The following COL23A1 variants were observed in gnomAD, a reference collection of about 807,000 sequenced individuals.
COL23A1 encodes the protein collagen type XXIII alpha 1 chain.
In COL23A1, 97 loss-of-function variants were observed where a neutral mutation model predicts 99.3. The ratio of observed to expected loss-of-function variants is 0.98; its 90% CI spans 0.83 to 1.16. COL23A1 has a LOEUF of 1.16. COL23A1 is among the 50% of genes most tolerant of loss of function. COL23A1 has a pLI of 0.00. For synonymous variants in COL23A1, 320 were observed against 308.2 expected, an observed-to-expected ratio of 1.04 and a Z score of -0.40; for missense variants, 762 against 757.4, an observed-to-expected ratio of 1.01 and a Z score of -0.07.
intron 2 of COL23A1, among the ~76,000 whole-genome samples, chr5:178,462,063 T>C (rs1299801255): frequency 6.6e-6 from 1 of 152,266 alleles, no homozygotes; most frequent in African/African-American, 2.4e-5. Flanking sequence ...GCACAGCTGC[T>C]GGCTCATAGT....
intron 28 of COL23A1, among the ~76,000 whole-genome samples, 178 bp downstream of exon 28, chr5:178,238,963 G>A (rs1274310767): frequency 1.3e-5 from 2 of 152,320 alleles, no homozygotes; most frequent in East Asian, 3.9e-4. Flanking sequence ...CGCCTCACAT[G>A]CAAGATGGGA....
rs375055716 is a variant in COL23A1 at position 178,245,966 on chromosome 5, G to C, written c.1416C>G (p.Gly472=). ...IGLPGTKGEK[G]RPGEPGLDGF... Reference sequence around the variant, plus strand: ...CATCTAGTCCTGGCTCCCCGGGTCTGCCCTGAGGAGAGACACAGAGTGGGT... The same window carrying C: ...CATCTAGTCCTGGCTCCCCGGGTCTCCCCTGAGGAGAGACACAGAGTGGGT... Residue 472 remains glycine, a splice_region_variant and synonymous_variant, in exon 25 of 29, where the codon GGC becomes GGG. Coordinates refer to ENST00000390654, the MANE Select transcript of COL23A1 (RefSeq NM_173465.4). 1.8e-5 allele frequency: 29 copies of C among 1,614,098 alleles called. No homozygotes were observed. The highest frequency in any genetic ancestry group is 2.4e-5 in the Non-Finnish European group (28 of 1,180,004).
intron 2 of COL23A1, among the ~76,000 whole-genome samples, chr5:178,334,072 C>T (rs139420749): frequency 6.6e-6 from 1 of 152,318 alleles, no homozygotes; most frequent in East Asian, 1.9e-4. Context: ...CCACCCCATG[C>T]CCTGGGGATG....
intron 2 of COL23A1, among the ~76,000 whole-genome samples, chr5:178,429,010 T>C (rs1363753880): frequency 6.6e-6 from 1 of 152,032 alleles, no homozygotes; most frequent in African/African-American, 2.4e-5. Flanking sequence ...GGTGCGGGTG[T>C]ACCTTCTTTT....
rs1002474878 is a variant in COL23A1, at chr5:178,415,273, G to A, written c.362-108354C>T. 6.6e-6 allele frequency among the ~76,000 whole-genome samples: 1 copy of A among 152,180 alleles called. No homozygotes were observed. Among genetic ancestry groups the A allele is most frequent in the Non-Finnish European group, 1.5e-5 (1 of 68,038 alleles). On this transcript the variant is annotated intron_variant, in intron 2 of 28. Coordinates refer to ENST00000390654, the MANE Select transcript of COL23A1 (RefSeq NM_173465.4). The surrounding 1 kb of genome is among the most constrained non-coding windows in gnomAD (Gnocchi z 4.6). ...GCCAGTTACAGTGCTCAGTGGGGAC[G>A]AGCCCGCCTTGCTGGGTGAGTGACG... is the stretch of plus-strand genomic sequence containing the variant.
chr5:178,281,477 C>T lies in COL23A1; in HGVS notation c.441+6847G>A, dbSNP rs889504448. ...CTGTCGCTGCTCCCAGGACTGAGGC[C>T]GGAGATGAAGTGCAGTCACCGCTCC... is the stretch of plus-strand genomic sequence containing the variant. On this transcript the variant is annotated intron_variant, in intron 5 of 28. Coordinates refer to ENST00000390654, the MANE Select transcript of COL23A1 (RefSeq NM_173465.4). This position sits in a 1 kb window ranked among gnomAD's most constrained non-coding sequence, Gnocchi z 4.0. Among the ~76,000 whole-genome samples the T allele has an allele frequency of 6.6e-6, 1 of 152,088 alleles. No homozygotes were observed. Among genetic ancestry groups the T allele is most frequent in the African/African-American group, 2.4e-5 (1 of 41,408 alleles).
intron 2 of COL23A1, among the ~76,000 whole-genome samples, chr5:178,328,009 G>A (rs1199701884): frequency 6.6e-6 from 1 of 152,228 alleles, no homozygotes; most frequent in African/African-American, 2.4e-5. Flanking sequence ...AGCAGAGACT[G>A]TGCGTGCCCA....
rs1215065745 is a variant in COL23A1 at position 178,468,553 on chromosome 5, T to A, written c.361+92129A>T. 6.6e-6 allele frequency among the ~76,000 whole-genome samples: 1 copy of A among 151,948 alleles called. No individual in the cohort carries two copies. The highest frequency in any genetic ancestry group is 1.9e-4 in the East Asian group (1 of 5,154). On this transcript the variant is annotated intron_variant, in intron 2 of 28. Coordinates refer to ENST00000390654, the MANE Select transcript of COL23A1 (RefSeq NM_173465.4). This position sits in a 1 kb window ranked among gnomAD's most constrained non-coding sequence, Gnocchi z 4.2. The stretch of plus-strand genomic sequence containing the variant: ...CACACCCAGGCCTCACCCGGCCCCG[T>A]CCCTCTGAGCTGACCTCAGGCTGCA...
intron 2 of COL23A1, among the ~76,000 whole-genome samples, chr5:178,520,132 A>C (rs145964253): frequency 1.3e-5 from 2 of 152,220 alleles, no homozygotes; most frequent in African/African-American, 2.4e-5. Context: ...GGATGGATGC[A>C]TCTGAATGGT....
chr5:178,346,265 G>C (rs1016811240), intron 2 of COL23A1, among the ~76,000 whole-genome samples: 2 of 151,822 alleles, frequency 1.3e-5, no homozygotes, highest in Non-Finnish European at 2.9e-5. Context: ...ATGGAGTTTC[G>C]TTCTGTCGCC....
At chr5:178,579,279 C>T (rs993041519) in intron 1 of COL23A1, among the ~76,000 whole-genome samples, 10 of 152,188 alleles carry the variant, frequency 6.6e-5, no homozygotes, top group African/African-American at 1.4e-4. Flanking sequence ...ACATGCTGAG[C>T]GCTTGGGATA....
intron 1 of COL23A1, among the ~76,000 whole-genome samples, chr5:178,584,373 T>A (rs1422269928): frequency 6.6e-6 from 1 of 151,812 alleles, no homozygotes; most frequent in Non-Finnish European, 1.5e-5. Flanking sequence ...AATTTTTTTC[T>A]TTTTTTTAAA....
chr5:178,284,079 CA>C (rs2127579535), intron 5 of COL23A1, among the ~76,000 whole-genome samples: 1 of 152,352 alleles, frequency 6.6e-6, no homozygotes, highest in Non-Finnish European at 1.5e-5. Flanking sequence ...CCCCAAAATG[CA>C]AGAGTGCCGT....
At chr5:178,506,124 A>G (rs1235068512) in intron 2 of COL23A1, among the ~76,000 whole-genome samples, 1 of 146,602 alleles carries the variant, frequency 6.8e-6, no homozygotes, top group Non-Finnish European at 1.5e-5. Flanking sequence ...TTGAACAAAC[A>G]GAGAAAAACA....
intron 2 of COL23A1, among the ~76,000 whole-genome samples, chr5:178,319,638 A>G (rs1378649826): frequency 2.6e-5 from 4 of 152,212 alleles, no homozygotes; most frequent in South Asian, 2.1e-4. Flanking sequence ...GGCCTTGGAC[A>G]GGGAACTCTC....
At chr5:178,244,914 G>A (rs1014959953) in intron 25 of COL23A1, among the ~76,000 whole-genome samples, 9 of 152,024 alleles carry the variant, frequency 5.9e-5, no homozygotes, top group African/African-American at 1.9e-4. Context: ...TCACTTCCTT[G>A]CTACAATGCA....
intron 2 of COL23A1, among the ~76,000 whole-genome samples, chr5:178,419,420 C>T (rs1765480081): frequency 6.6e-6 from 1 of 152,244 alleles, no homozygotes; most frequent in Non-Finnish European, 1.5e-5. Context: ...TAAACACTGA[C>T]TGCAAACCTG....
intron 1 of COL23A1, among the ~76,000 whole-genome samples, chr5:178,576,917 C>T (rs1309163606): frequency 6.6e-6 from 1 of 151,804 alleles, no homozygotes; most frequent in Non-Finnish European, 1.5e-5. Flanking sequence ...GCGCTGGCCG[C>T]TCTGCCGGGT....
At chr5:178,436,461 G>A (rs147889436) in intron 2 of COL23A1, among the ~76,000 whole-genome samples, 2 of 152,288 alleles carry the variant, frequency 1.3e-5, no homozygotes, top group Non-Finnish European at 1.5e-5. Flanking sequence ...AAGAGCAGGT[G>A]CAGAGGGTGG....
Sources: gnomAD v4.1 joint callset for allele counts (sites outside exome capture counted in the v4.1 genomes callset) on GRCh38, gnomAD v4.1.1 for gene constraint, Gnocchi (gnomAD v3.1) non-coding constraint, MANE v1.5 for transcripts, NCBI Gene and HGNC (gene_info 2026-07-23, HGNC 2026-07-21) for gene names.